TRAPPC8: variants seen among roughly 807,000 people sequenced by gnomAD.
TRAPPC8 encodes the protein trafficking protein particle complex subunit 8, also known as general sporulation gene 1 homolog.
Under a neutral mutation model 174.3 loss-of-function variants are expected in TRAPPC8, and 54 were observed. The ratio of observed to expected loss-of-function variants is 0.31; its 90% CI spans 0.25 to 0.39. The LOEUF is 0.39. Among genes scored for constraint, TRAPPC8 ranks in the 10% least tolerant of loss-of-function variants. The pLI is 1.00. For missense variants in TRAPPC8, 1,531 were observed against 1,699.1 expected (o/e 0.90, Z 1.74); for synonymous variants, 630 against 579.9 (o/e 1.09, Z -1.24).
intron 24 of TRAPPC8, among the ~76,000 whole-genome samples, chr18:31,849,957 CTTT>C (rs202004944): frequency 6.9e-6 from 1 of 145,412 alleles, no homozygotes. Flanking sequence ...TACCCTAAAT[CTTT>C]TTTTTTTTTT....
chr18:31,934,794 G>A (rs2038008875), intron 1 of TRAPPC8, among the ~76,000 whole-genome samples: 1 of 150,990 alleles, frequency 6.6e-6, no homozygotes, highest in African/African-American at 2.4e-5. Context: ...TTGAACCCGG[G>A]AGGCAGAGGT....
intron 4 of TRAPPC8, among the ~76,000 whole-genome samples, chr18:31,914,715 T>A (rs1418982629): frequency 6.6e-5 from 10 of 152,184 alleles, no homozygotes; most frequent in Admixed American, 6.6e-4. Context: ...CAGAATAGTT[T>A]CAAACAAAAC....
At chr18:31,938,852 C>G (rs1218457525) in intron 1 of TRAPPC8, among the ~76,000 whole-genome samples, 1 of 152,054 alleles carries the variant, frequency 6.6e-6, no homozygotes, top group Admixed American at 6.6e-5. Context: ...GAGGCCAAGG[C>G]GGGCAGATCA....
At chr18:31,926,362 A>G (rs2037614739) in intron 2 of TRAPPC8, 1 of 152,170 alleles carries the variant, frequency 6.6e-6, no homozygotes, top group African/African-American at 2.4e-5. Context: ...TGAAGGAGCC[A>G]TTGATAAATG....
intron 16 of TRAPPC8, 105 bp from the exon 17 acceptor site, chr18:31,867,581 G>A: frequency 7.5e-6 from 6 of 797,256 alleles, no homozygotes; most frequent in South Asian, 3.6e-5. Flanking sequence ...ATTAAAGTCT[G>A]CATTTACTTG....
At chr18:31,918,974 G>A (rs1331782322) in intron 2 of TRAPPC8, among the ~76,000 whole-genome samples, 6 of 152,028 alleles carry the variant, frequency 3.9e-5, no homozygotes, top group Non-Finnish European at 7.4e-5. Context: ...CTTAACCACT[G>A]AAAACAGCAA....
chr18:31,884,359 C>T (rs775653705), intron 12 of TRAPPC8, among the ~76,000 whole-genome samples: 4 of 152,144 alleles, frequency 2.6e-5, no homozygotes, highest in East Asian at 3.8e-4. Flanking sequence ...GAAATACCAG[C>T]GTGTGCTAAA....
chr18:31,850,248 G>A (rs758734814), intron 24 of TRAPPC8, among the ~76,000 whole-genome samples: 18 of 152,102 alleles, frequency 1.2e-4, no homozygotes, highest in South Asian at 2.1e-4. Flanking sequence ...ACTGCACCCA[G>A]CTGCAAGTTA....
chr18:31,891,637 T>C (rs974944516), intron 11 of TRAPPC8, among the ~76,000 whole-genome samples: 1 of 152,202 alleles, frequency 6.6e-6, no homozygotes, highest in Non-Finnish European at 1.5e-5. Context: ...GCTGATTAAA[T>C]ATCAACAACA....
chr18:31,898,973 A>T (rs1336094022), intron 10 of TRAPPC8, among the ~76,000 whole-genome samples: 3 of 152,214 alleles, frequency 2.0e-5, no homozygotes, highest in Admixed American at 6.5e-5. Flanking sequence ...AACGATGAAC[A>T]GTATTTATTT....
At chr18:31,849,461 G>T (rs570447562) in intron 25 of TRAPPC8, 105 bp downstream of exon 25, 26 of 1,037,066 alleles carry the variant, frequency 2.5e-5, no homozygotes, top group Non-Finnish European at 3.3e-5. Flanking sequence ...ATTGAAACTA[G>T]AAAAGATAAG....
intron 2 of TRAPPC8, among the ~76,000 whole-genome samples, chr18:31,929,444 A>C (rs541163095): frequency 1.3e-5 from 2 of 152,074 alleles, no homozygotes; most frequent in African/African-American, 4.8e-5. Flanking sequence ...AGAAGATTGC[A>C]TAAGTCCAGG....
chr18:31,876,421 C>T lies in TRAPPC8; in HGVS notation c.1729-1717G>A, dbSNP rs374328761. Among the ~76,000 whole-genome samples the T allele has an allele frequency of 7.9e-5, 11 of 138,550 alleles. No individual in the cohort carries two copies. In the South Asian group the frequency reaches 2.3e-3, roughly 29 times the overall value. 90.9% of individuals were successfully genotyped at this position (138,550 alleles called of 152,430 possible). On this transcript the variant is annotated intron_variant, in intron 12 of 28. Transcript: ENST00000283351. Reference sequence around the variant, plus strand: ...AAGAGAATGGCATAAACCTAGGAGGCGGAGCTTACAGTAAGCCAAGATTGT... The same window carrying T: ...AAGAGAATGGCATAAACCTAGGAGGTGGAGCTTACAGTAAGCCAAGATTGT...
intron 1 of TRAPPC8, 54 bp from the exon 2 acceptor site, chr18:31,931,577 A>T: frequency 7.3e-7 from 1 of 1,371,768 alleles, no homozygotes; most frequent in Non-Finnish European, 9.7e-7. Flanking sequence ...ATGCATAATA[A>T]CCCAAAATTG....
chr18:31,839,241 C>A, intron 27 of TRAPPC8, 71 bp downstream of exon 27: 1 of 1,476,278 alleles, frequency 6.8e-7, no homozygotes, highest in Non-Finnish European at 9.1e-7. Context: ...ATGTCACTGC[C>A]AAAATAAAAG....
intron 19 of TRAPPC8, among the ~76,000 whole-genome samples, chr18:31,863,545 G>C (rs769737473): frequency 4.6e-5 from 7 of 152,066 alleles, no homozygotes; most frequent in Non-Finnish European, 7.4e-5. Flanking sequence ...ATGCTGTTAA[G>C]GACAAAAAGC....
chr18:31,914,132 CAAAA>C (rs1264790427), intron 4 of TRAPPC8, among the ~76,000 whole-genome samples: 1 of 44,570 alleles, frequency 2.2e-5, no homozygotes, highest in Admixed American at 2.8e-4. Flanking sequence ...ACCCCCATCT[CAAAA>C]AAAAAAAAAA....
chr18:31,897,767 T>C lies in TRAPPC8; in HGVS notation c.1596+19A>G. On this transcript the variant is annotated intron_variant, in intron 11 of 28. Transcript: ENST00000283351. The stretch of plus-strand genomic sequence containing the variant: ...AAAGAACAATGCTAATTAAAGCAAA[T>C]ACTACACAGTTTCAGTACCTCACTG... 1 of 1,523,324 alleles carries C rather than the reference T, an allele frequency of 6.6e-7. No individual in the cohort carries two copies. The highest frequency in any genetic ancestry group is 1.3e-5 in the South Asian group (1 of 75,762). 94.4% of individuals were successfully genotyped at this position (1,523,324 alleles called of 1,614,324 possible). A position where few individuals can be genotyped will look rare whatever the true frequency, so the allele number is the denominator to read the frequency against.
At chr18:31,901,605 TA>T (rs1598706441) in intron 9 of TRAPPC8, among the ~76,000 whole-genome samples, 2 of 152,294 alleles carry the variant, frequency 1.3e-5, no homozygotes, top group East Asian at 3.9e-4. Flanking sequence ...ATTTAGCAGT[TA>T]AACTCCAGGA....
Sources: allele counts gnomAD v4.1 joint callset (sites outside exome capture counted in the v4.1 genomes callset), GRCh38; gene constraint gnomAD v4.1.1; transcripts MANE v1.5; gene names NCBI Gene and HGNC (gene_info 2026-07-23, HGNC 2026-07-21).